Variants in MGAT5B observed in about 807,000 individuals in gnomAD.
MGAT5B encodes alpha-1,6-mannosylglycoprotein 6-beta-N-acetylglucosaminyltransferase B.
Under a neutral mutation model 95.1 loss-of-function variants are expected in MGAT5B, and 54 were observed. The observed-to-expected ratio is 0.57, with a 90% confidence interval of 0.46 to 0.71. The LOEUF (loss-of-function observed/expected upper bound fraction) is 0.71, where lower values mean the gene tolerates loss of function less well. Among genes scored for constraint, MGAT5B ranks in the 30% least tolerant of loss-of-function variants. The probability of loss-of-function intolerance (pLI) is 0.00; values close to 1 mark genes in which losing one functional copy is unlikely to be tolerated. For missense variants in MGAT5B, 935 were observed against 1,088.6 expected, an observed-to-expected ratio of 0.86 and a Z score of 1.99; for synonymous variants, 464 against 451.0, an observed-to-expected ratio of 1.03 and a Z score of -0.36.
rs756563573 is a variant in MGAT5B, at chr17:76,870,975, G to A, written c.69-1876G>A. On this transcript the variant is annotated intron_variant, in intron 1 of 17. Coordinates refer to ENST00000569840, the MANE Select transcript of MGAT5B (RefSeq NM_001199172.2). This position sits in a 1 kb window ranked among gnomAD's most constrained non-coding sequence, Gnocchi z 5.0. ...ACATTGAACCCCAGGATGGGGTTCT[G>A]GCAGAGGGAGATGCAGATGAGGTGT... Among the ~76,000 whole-genome samples the A allele has an allele frequency of 6.6e-6, 1 of 152,096 alleles. No homozygotes were observed. The highest frequency in any genetic ancestry group is 1.5e-5 in the Non-Finnish European group (1 of 68,006).
intron 2 of MGAT5B, among the ~76,000 whole-genome samples, chr17:76,873,246 T>G (rs770730121): frequency 8.5e-5 from 13 of 152,248 alleles, no homozygotes; most frequent in Non-Finnish European, 1.8e-4. Context: ...CTTCTTTAGT[T>G]GGGTGTCAGG....
chr17:76,947,313 G>A (rs1396723395), intron 16 of MGAT5B, among the ~76,000 whole-genome samples: 1 of 152,216 alleles, frequency 6.6e-6, no homozygotes, highest in Non-Finnish European at 1.5e-5. Flanking sequence ...ACCCCCAGAA[G>A]GGAGAGTGTA....
In MGAT5B at chr17:76,912,807, C is replaced by T. The variant is rs567570863; in HGVS notation, c.1025+6620C>T. Among the ~76,000 whole-genome samples the T allele has an allele frequency of 1.4e-4, 22 of 152,292 alleles. No individual in the cohort carries two copies. The South Asian group carries it at 4.1e-3, about 29-fold the overall frequency. On this transcript the variant is annotated intron_variant, in intron 8 of 17. Coordinates refer to ENST00000569840, the MANE Select transcript of MGAT5B (RefSeq NM_001199172.2). This position sits in a 1 kb window ranked among gnomAD's most constrained non-coding sequence, Gnocchi z 5.0. ...CAGCCAGTCCCCGCCCGCGCCCCGC[C>T]GTGTGCGGAGGGAAGAAGCCAAACC... is the stretch of plus-strand genomic sequence containing the variant.
intron 6 of MGAT5B, 149 bp downstream of exon 6, chr17:76,904,571 G>A (rs999366391): frequency 4.0e-5 from 36 of 904,180 alleles, no homozygotes; most frequent in Non-Finnish European, 5.3e-5. Context: ...CCGGGCAGAC[G>A]GGAGGCCAGC....
chr17:76,926,743 C>G lies in MGAT5B; in HGVS notation c.1291+13C>G. ...ATGACCATGTTTCGTGAGTGCCCCA[C>G]AGGGCAGGGGTGGGGTCGGAGGTCC... On this transcript the variant is annotated intron_variant, in intron 10 of 17. Transcript: ENST00000569840. 6.2e-7 allele frequency: 1 copy of G among 1,612,250 alleles called. No homozygotes were observed. The highest frequency in any genetic ancestry group is 8.5e-7 in the Non-Finnish European group (1 of 1,179,650).
chr17:76,875,344 A>G (rs1190311063), intron 2 of MGAT5B, among the ~76,000 whole-genome samples: 1 of 152,080 alleles, frequency 6.6e-6, no homozygotes, highest in African/African-American at 2.4e-5. Context: ...GTGAGTTCCC[A>G]CAAGATCTGA....
chr17:76,869,888 G>A lies in MGAT5B; in HGVS notation c.68+791G>A, dbSNP rs998930235. On this transcript the variant is annotated intron_variant, in intron 1 of 17. Coordinates refer to ENST00000569840, the MANE Select transcript of MGAT5B (RefSeq NM_001199172.2). The surrounding 1 kb of genome is among the most constrained non-coding windows in gnomAD (Gnocchi z 7.0). The stretch of plus-strand genomic sequence containing the variant: ...CAGCCAGGGGCCCCCAGGGCCCAGC[G>A]GTGCCGGGGCAGCCCCCTCTCCTCC... 1.3e-5 allele frequency among the ~76,000 whole-genome samples: 2 copies of A among 152,112 alleles called. No individual in the cohort carries two copies. The highest frequency in any genetic ancestry group is 4.8e-5 in the African/African-American group (2 of 41,442).
chr17:76,911,368 A>G (rs1460853576), intron 8 of MGAT5B, among the ~76,000 whole-genome samples: 1 of 152,122 alleles, frequency 6.6e-6, no homozygotes, highest in Non-Finnish European at 1.5e-5. Context: ...CCCCAGGCTC[A>G]GGGCCCTAGA....
intron 2 of MGAT5B, among the ~76,000 whole-genome samples, chr17:76,880,896 C>T (rs1333842938): frequency 6.6e-6 from 1 of 152,212 alleles, no homozygotes; most frequent in Non-Finnish European, 1.5e-5. Context: ...TACTCACCCT[C>T]AAACCCTTGT....
chr17:76,874,338 G>A (rs1197505509), intron 2 of MGAT5B, among the ~76,000 whole-genome samples: 1 of 151,696 alleles, frequency 6.6e-6, no homozygotes, highest in Non-Finnish European at 1.5e-5. Context: ...GCAGCAAAGC[G>A]TGTTTATGAA....
chr17:76,923,382 G>GGACCTC (rs2145232810), intron 8 of MGAT5B, among the ~76,000 whole-genome samples: 1 of 71,534 alleles, frequency 1.4e-5, no homozygotes, highest in Admixed American at 1.3e-4. Context: ...CTCCTGCAGA[G>GGACCTC]CTGGCTGGCA....
Position 76,947,995 on chromosome 17 carries a change from G to A in MGAT5B, c.2089G>A (p.Gly697Arg). 6.2e-7 allele frequency: 1 copy of A among 1,612,386 alleles called. No homozygotes were observed. The highest frequency in any genetic ancestry group is 8.5e-7 in the Non-Finnish European group (1 of 1,179,352). Residue 697 changes from glycine to arginine, a missense_variant, in exon 17 of 18, where the codon GGG (glycine) becomes AGG (arginine). Gly to Arg is a moderately radical substitution (Grantham distance 125). This residue lies in a region of MGAT5B where 440 missense variants were observed against 523.6 expected (regional missense o/e 0.84). Coordinates refer to ENST00000569840, the MANE Select transcript of MGAT5B (RefSeq NM_001199172.2). ...CCTGCGGGCCTGGCTGGCCGTGCCT[G>A]GGAGGGCCTGCACCGACACCTGCCT... ...HALRAWLAVP[G>R]RACTDTCLDH... is the part of the protein sequence containing the mutation.
rs1966932947 is a variant in MGAT5B at position 76,869,823 on chromosome 17, A to T, written c.68+726A>T. 6.6e-6 allele frequency among the ~76,000 whole-genome samples: 1 copy of T among 152,034 alleles called. No individual in the cohort carries two copies. Among genetic ancestry groups the T allele is most frequent in the South Asian group, 2.1e-4 (1 of 4,830 alleles). ...TCGGGCGGCCAACACCTGGGGGCCCAGGCCAGGCAGGGCTGGGGCCGCGCG... is the reference window on the plus strand; with the variant it reads ...TCGGGCGGCCAACACCTGGGGGCCCTGGCCAGGCAGGGCTGGGGCCGCGCG... On this transcript the variant is annotated intron_variant, in intron 1 of 17. Coordinates refer to ENST00000569840, the MANE Select transcript of MGAT5B (RefSeq NM_001199172.2). This position sits in a 1 kb window ranked among gnomAD's most constrained non-coding sequence, Gnocchi z 7.0.
Position 76,914,813 on chromosome 17 carries a change from T to G in MGAT5B, c.1025+8626T>G, listed in dbSNP as rs1168038747. Reference sequence around the variant, plus strand: ...CCACCATGCCCAGCTAATTTTTGTATTTTTAGTAGAGACAGGGTTTCACCA... The same window carrying G: ...CCACCATGCCCAGCTAATTTTTGTAGTTTTAGTAGAGACAGGGTTTCACCA... On this transcript the variant is annotated intron_variant, in intron 8 of 17. Coordinates refer to ENST00000569840, the MANE Select transcript of MGAT5B (RefSeq NM_001199172.2). This position sits in a 1 kb window ranked among gnomAD's most constrained non-coding sequence, Gnocchi z 5.1. Among the ~76,000 whole-genome samples the G allele has an allele frequency of 1.3e-5, 2 of 152,158 alleles. No homozygotes were observed. The highest frequency in any genetic ancestry group is 3.9e-4 in the East Asian group (2 of 5,188).
chr17:76,900,878 C>CGT (rs1968280476), intron 3 of MGAT5B, among the ~76,000 whole-genome samples: 1 of 138,176 alleles, frequency 7.2e-6, no homozygotes, highest in South Asian at 2.5e-4. Flanking sequence ...TGCATGTGTG[C>CGT]GTGTGTGTGC....
intron 3 of MGAT5B, among the ~76,000 whole-genome samples, chr17:76,901,104 A>G (rs995743344): frequency 3.9e-5 from 6 of 152,142 alleles, no homozygotes; most frequent in African/African-American, 7.2e-5. Context: ...GTATGGGGCC[A>G]CTGCCCTTTC....
At chr17:76,888,406 G>A (rs1162665975) in intron 3 of MGAT5B, among the ~76,000 whole-genome samples, 4 of 152,126 alleles carry the variant, frequency 2.6e-5, no homozygotes, top group Admixed American at 6.5e-5. Flanking sequence ...GTTTCCAGCC[G>A]TGTGCACTCA....
Position 76,938,204 on chromosome 17 carries a change from C to G in MGAT5B, c.1584+61C>G, listed in dbSNP as rs1310620218. On this transcript the variant is annotated intron_variant, in intron 13 of 17. Transcript: ENST00000569840. The surrounding 1 kb of genome is among the most constrained non-coding windows in gnomAD (Gnocchi z 4.3). ...CCGGCTGCAGACACTGAGGTCACCA[C>G]CCATGCCTGCCACCACCACTCAGGC... The G allele has an allele frequency of 1.3e-6, 2 of 1,582,754 alleles. No homozygotes were observed.
rs1410554778 is a variant in MGAT5B, at chr17:76,905,336, G to A, written c.855+3G>A. 3.8e-6 allele frequency: 6 copies of A among 1,581,400 alleles called. No individual in the cohort carries two copies. The highest frequency in any genetic ancestry group is 5.2e-6 in the Non-Finnish European group (6 of 1,158,814). ...CCACCCAGAGGGACCAGAAGCAGGT[G>A]CGTGGCCCCTGCCCCCTCATGTGCA... is the stretch of plus-strand genomic sequence containing the variant. On this transcript the variant is annotated splice_donor_region_variant and intron_variant, in intron 7 of 17. Coordinates refer to ENST00000569840, the MANE Select transcript of MGAT5B (RefSeq NM_001199172.2). The surrounding 1 kb of genome is among the most constrained non-coding windows in gnomAD (Gnocchi z 4.2).
Sources: gnomAD v4.1 joint callset for allele counts (sites outside exome capture counted in the v4.1 genomes callset) on GRCh38, gnomAD v4.1.1 for gene constraint, gnomAD v4.1.1 regional missense constraint, Gnocchi (gnomAD v3.1) non-coding constraint, MANE v1.5 for transcripts, NCBI Gene and HGNC (gene_info 2026-07-23, HGNC 2026-07-21) for gene names.